Variants in HCN1 observed in about 807,000 individuals in gnomAD.
HCN1 encodes the protein potassium/sodium hyperpolarization-activated cyclic nucleotide-gated channel 1.
A neutral mutation model predicts 78.9 loss-of-function variants in HCN1; 13 were observed. That is an observed-to-expected ratio of 0.16 (90% CI 0.11 to 0.26). The LOEUF (loss-of-function observed/expected upper bound fraction) is 0.26, where lower values mean the gene tolerates loss of function less well. HCN1 is among the 10% of genes least tolerant of loss of function. HCN1 has a pLI of 1.00. For missense variants in HCN1, 810 were observed against 1,154.3 expected (o/e 0.70, Z 4.32); for synonymous variants, 552 against 455.5 (o/e 1.21, Z -2.70).
At chr5:45,376,347 TATAGAG>T (rs1747675578) in intron 4 of HCN1, among the ~76,000 whole-genome samples, 3 of 97,264 alleles carry the variant, frequency 3.1e-5, no homozygotes, top group South Asian at 3.1e-4. Flanking sequence ...ATTATATATA[TATAGAG>T]AGAGAGAGAG....
At chr5:45,591,182 T>G (rs75311573) in intron 2 of HCN1, among the ~76,000 whole-genome samples, 10,918 of 152,226 alleles carry the variant, frequency 0.072, 573 homozygotes, top group Middle Eastern at 0.15. Context: ...CTGAAGGACA[T>G]TCTATTTCCT....
At chr5:45,498,418 C>T (rs1277346574) in intron 2 of HCN1, among the ~76,000 whole-genome samples, 1 of 152,116 alleles carries the variant, frequency 6.6e-6, no homozygotes, top group Non-Finnish European at 1.5e-5. Context: ...AGTTCTCGAG[C>T]CTTGGTTTTC....
intron 3 of HCN1, among the ~76,000 whole-genome samples, chr5:45,417,319 A>T (rs1740137486): frequency 6.6e-6 from 1 of 152,002 alleles, no homozygotes; most frequent in East Asian, 1.9e-4. Flanking sequence ...AGTATGTTAA[A>T]AAAACAAAAT....
intron 2 of HCN1, among the ~76,000 whole-genome samples, chr5:45,611,554 G>A (rs925964899): frequency 1.3e-5 from 2 of 151,904 alleles, no homozygotes; most frequent in Non-Finnish European, 2.9e-5. Context: ...TTACATGCAT[G>A]AGCCACGGTG....
intron 2 of HCN1, among the ~76,000 whole-genome samples, chr5:45,482,648 T>C (rs116190813): frequency 0.022 from 3,407 of 152,216 alleles, 147 homozygotes; most frequent in African/African-American, 0.079. Context: ...AGGGGGTACA[T>C]GTGCAGGTTT....
intron 5 of HCN1, among the ~76,000 whole-genome samples, chr5:45,320,614 G>T (rs763042531): frequency 6.6e-6 from 1 of 151,760 alleles, no homozygotes; most frequent in African/African-American, 2.4e-5. Flanking sequence ...AGCCTGGCTT[G>T]CTACTTTGGG....
intron 5 of HCN1, among the ~76,000 whole-genome samples, chr5:45,325,651 T>TA (rs1746220770): frequency 6.6e-6 from 1 of 151,676 alleles, no homozygotes; most frequent in Non-Finnish European, 1.5e-5. Flanking sequence ...GTCTTCTAAA[T>TA]TGCAAGATGG....
chr5:45,508,843 A>T (rs1742356852), intron 2 of HCN1, among the ~76,000 whole-genome samples: 1 of 152,140 alleles, frequency 6.6e-6, no homozygotes, highest in Non-Finnish European at 1.5e-5. Context: ...AGTTGTGCCC[A>T]AGGGTTTGGC....
At position 45,695,859 on chromosome 5, in the gene HCN1, C is replaced by G; in HGVS notation, c.235G>C (p.Gly79Arg). ...GGCCCCTCGGCGTCTTCGAAGCCCC[C>G]CGCCGGCTCCTCGCCGCCGCCGCCG... The part of the protein sequence containing the change: ...GGGGGGEEPA[G>R]GFEDAEGPRR... Residue 79 changes from glycine (G) to arginine (R), a missense_variant, in exon 1 of 8, where the codon GGG (glycine) becomes CGG (arginine). By Grantham distance (125) the Gly-to-Arg change is moderately radical (BLOSUM62 -2). Around this residue, in one of 6 missense-constraint regions of HCN1, gnomAD observed 170 missense variants for 166.8 expected, o/e 1.02. Transcript: ENST00000303230. The G allele has an allele frequency of 2.5e-6, 4 of 1,587,288 alleles. No homozygotes were observed. Among genetic ancestry groups the G allele is most frequent in the Non-Finnish European group, 3.4e-6 (4 of 1,172,646 alleles).
chr5:45,310,007 G>T (rs1579799153), intron 5 of HCN1, among the ~76,000 whole-genome samples: 1 of 151,462 alleles, frequency 6.6e-6, no homozygotes. Context: ...GGCTTTTTTT[G>T]GTTGGTAGGC....
chr5:45,317,958 C>T lies in HCN1; in HGVS notation c.1378-14119G>A, dbSNP rs1035735288. 5.3e-5 allele frequency among the ~76,000 whole-genome samples: 8 copies of T among 152,224 alleles called. No homozygotes were observed. In the East Asian group the frequency reaches 1.5e-3, roughly 29 times the overall value. On this transcript the variant is annotated intron_variant, in intron 5 of 7. Coordinates refer to ENST00000303230, the MANE Select transcript of HCN1 (RefSeq NM_021072.4). ...GTGGAGAAATAGGAACACTTTTACACTGTTGGTGGGACTGTAAACTAGTTC... is the reference window on the plus strand; with the variant it reads ...GTGGAGAAATAGGAACACTTTTACATTGTTGGTGGGACTGTAAACTAGTTC...
chr5:45,502,375 G>A (rs779113415), intron 2 of HCN1, among the ~76,000 whole-genome samples: 10 of 151,284 alleles, frequency 6.6e-5, no homozygotes, highest in African/African-American at 9.7e-5. Flanking sequence ...CCAGCTACTC[G>A]GGAGGCTGAG....
chr5:45,280,174 C>T (rs1371201637), intron 6 of HCN1, among the ~76,000 whole-genome samples: 2 of 152,080 alleles, frequency 1.3e-5, no homozygotes, highest in African/African-American at 4.8e-5. Flanking sequence ...CTAAAATACT[C>T]TAGTCCTAGA....
chr5:45,317,891 C>T (rs1167453397), intron 5 of HCN1, among the ~76,000 whole-genome samples: 6 of 152,014 alleles, frequency 3.9e-5, no homozygotes, highest in South Asian at 2.1e-4. Flanking sequence ...CTTAGAATGG[C>T]GATCATTAAA....
rs117449765 is a variant in HCN1, at chr5:45,284,679, T to C, written c.1619-17426A>G. Among the ~76,000 whole-genome samples, 17 of 152,214 alleles carry C rather than the reference T, an allele frequency of 1.1e-4. No homozygotes were observed. In the East Asian group the frequency reaches 3.3e-3, roughly 29 times the overall value. ...CTGCTTTAATTTCCCAGCCGGGAGC[T>C]GGTATTTCAGCATGAACCAGGCATA... On this transcript the variant is annotated intron_variant, in intron 6 of 7. Transcript: ENST00000303230.
At chr5:45,411,679 C>T (rs2112056651) in intron 3 of HCN1, among the ~76,000 whole-genome samples, 1 of 151,920 alleles carries the variant, frequency 6.6e-6, no homozygotes, top group East Asian at 1.9e-4. Context: ...AAGGCAAATG[C>T]AATATTATAA....
At chr5:45,657,378 G>A (rs989553171) in intron 1 of HCN1, among the ~76,000 whole-genome samples, 3 of 152,112 alleles carry the variant, frequency 2.0e-5, no homozygotes, top group South Asian at 2.1e-4. Context: ...TAATTTAGTG[G>A]TACTTATTAA....
intron 1 of HCN1, among the ~76,000 whole-genome samples, chr5:45,682,567 C>T (rs1739724823): frequency 6.6e-6 from 1 of 151,430 alleles, no homozygotes; most frequent in Non-Finnish European, 1.5e-5. Flanking sequence ...TATTAAGTGC[C>T]TACTTTATAC....
At chr5:45,464,102 T>A (rs1342060770) in intron 2 of HCN1, among the ~76,000 whole-genome samples, 2 of 152,082 alleles carry the variant, frequency 1.3e-5, no homozygotes, top group East Asian at 3.8e-4. Context: ...TTCTACTTCC[T>A]TTTGGGAAAT....
Sources: allele counts gnomAD v4.1 joint callset (sites outside exome capture counted in the v4.1 genomes callset), GRCh38; gene constraint gnomAD v4.1.1; regional missense constraint gnomAD v4.1.1; transcripts MANE v1.5; gene names NCBI Gene and HGNC (gene_info 2026-07-23, HGNC 2026-07-21).